Variants in CYP19A1 observed in about 807,000 individuals in gnomAD.
CYP19A1 encodes cytochrome P450 family 19 subfamily A member 1.
CYP19A1 carries 32 observed loss-of-function variants against 44.4 expected under a neutral mutation model. That is an observed-to-expected ratio of 0.72 (90% confidence interval 0.54 to 0.97). CYP19A1 has a LOEUF of 0.97. Ranked by LOEUF, CYP19A1 falls within the 50% of genes least tolerant of loss-of-function variation. CYP19A1 has a pLI of 0.00. For missense variants in CYP19A1, 598 were observed against 637.8 expected, an observed-to-expected ratio of 0.94 and a Z score of 0.67; for synonymous variants, 212 against 215.6, an observed-to-expected ratio of 0.98 and a Z score of 0.14.
intron 1 of CYP19A1, 79 bp from the exon 2 acceptor site, chr15:51,243,029 C>A: frequency 5.1e-6 from 4 of 784,502 alleles, no homozygotes; most frequent in Non-Finnish European, 4.6e-6. Flanking sequence ...TCAGAGGGTG[C>A]TGTACAGTAC....
intron 1 of CYP19A1, among the ~76,000 whole-genome samples, chr15:51,257,654 C>G (rs1223183730): frequency 6.6e-6 from 1 of 152,210 alleles, no homozygotes; most frequent in Non-Finnish European, 1.5e-5. Flanking sequence ...GCCCAGGTCT[C>G]CAGGATCAAT....
At chr15:51,304,359 C>G (rs72729205) in intron 1 of CYP19A1, among the ~76,000 whole-genome samples, 5 of 152,054 alleles carry the variant, frequency 3.3e-5, no homozygotes, top group East Asian at 3.9e-4. Context: ...GTCAGTAAAT[C>G]TTGACAAATT....
chr15:51,275,213 T>C (rs1460235310), intron 1 of CYP19A1, among the ~76,000 whole-genome samples: 3 of 152,220 alleles, frequency 2.0e-5, no homozygotes, highest in Non-Finnish European at 1.5e-5. Context: ...TGGCAAGAAA[T>C]GGTGCCATGG....
intron 1 of CYP19A1, among the ~76,000 whole-genome samples, chr15:51,284,275 A>G (rs2035625745): frequency 6.6e-6 from 1 of 152,220 alleles, no homozygotes; most frequent in South Asian, 2.1e-4. Flanking sequence ...GTGACTATTT[A>G]GGGAAAGGAT....
intron 1 of CYP19A1, among the ~76,000 whole-genome samples, chr15:51,254,222 C>T (rs1343814996): frequency 3.3e-5 from 5 of 152,158 alleles, no homozygotes; most frequent in African/African-American, 1.2e-4. Context: ...AGAGGCCAGG[C>T]ATCTTCAGAA....
At chr15:51,295,341 C>T (rs1040289193) in intron 1 of CYP19A1, among the ~76,000 whole-genome samples, 1 of 152,164 alleles carries the variant, frequency 6.6e-6, no homozygotes, top group African/African-American at 2.4e-5. Flanking sequence ...TCCAGCCCCT[C>T]TTCTCTCAGT....
At chr15:51,313,460 T>C (rs761253235) in intron 1 of CYP19A1, among the ~76,000 whole-genome samples, 2 of 152,186 alleles carry the variant, frequency 1.3e-5, no homozygotes, top group South Asian at 2.1e-4. Flanking sequence ...AGAGGTAGCA[T>C]GCAGAGCCCT....
intron 1 of CYP19A1, among the ~76,000 whole-genome samples, chr15:51,284,599 G>A (rs901172124): frequency 5.9e-5 from 9 of 152,176 alleles, no homozygotes; most frequent in South Asian, 2.1e-4. Flanking sequence ...ATGGGATATC[G>A]ACTTGGAGAA....
intron 1 of CYP19A1, among the ~76,000 whole-genome samples, chr15:51,335,168 G>A (rs2036757478): frequency 6.6e-6 from 1 of 151,830 alleles, no homozygotes; most frequent in Admixed American, 6.6e-5. Context: ...GTGGAGTGGG[G>A]TGGGGTGGGA....
At chr15:51,320,664 C>G (rs2036512069) in intron 1 of CYP19A1, among the ~76,000 whole-genome samples, 1 of 152,184 alleles carries the variant, frequency 6.6e-6, no homozygotes. Context: ...AGGTCCTCCT[C>G]TCAGCCCTGT....
chr15:51,277,954 GTTTTTTTT>G (rs68014518), intron 1 of CYP19A1: 17 of 110,580 alleles, frequency 1.5e-4, no homozygotes, highest in African/African-American at 5.5e-4. Flanking sequence ...AGTTGCATGA[GTTTTTTTT>G]TTTTTTTTTT....
chr15:51,273,250 C>T (rs1566906284), intron 1 of CYP19A1, among the ~76,000 whole-genome samples: 2 of 152,126 alleles, frequency 1.3e-5, no homozygotes, highest in African/African-American at 2.4e-5. Context: ...CACCCGACCC[C>T]CTTCCTCACT....
intron 2 of CYP19A1, 28 bp from the exon 3 acceptor site, chr15:51,237,037 C>G: frequency 6.2e-7 from 1 of 1,613,804 alleles, no homozygotes; most frequent in Non-Finnish European, 8.5e-7. Flanking sequence ...GCATAAGCAA[C>G]ATCTTAGTTA....
intron 9 of CYP19A1, 79 bp from the exon 10 acceptor site, chr15:51,211,135 AT>A: frequency 1.0e-6 from 1 of 972,078 alleles, no homozygotes; most frequent in Non-Finnish European, 1.7e-6. Context: ...TTCTGAAAAC[AT>A]GGGTCAGTCA....
intron 2 of CYP19A1, among the ~76,000 whole-genome samples, chr15:51,239,953 G>A (rs1383230710): frequency 6.6e-6 from 1 of 152,140 alleles, no homozygotes; most frequent in South Asian, 2.1e-4. Flanking sequence ...ATGGCTATAC[G>A]TCCTGGGGGA....
chr15:51,298,154 G>C (rs2140998117), intron 1 of CYP19A1, among the ~76,000 whole-genome samples: 1 of 152,250 alleles, frequency 6.6e-6, no homozygotes, highest in East Asian at 1.9e-4. Context: ...CTCACCAGCT[G>C]GAATGCCGCC....
chr15:51,285,180 A>G (rs1042589339), intron 1 of CYP19A1, among the ~76,000 whole-genome samples: 3 of 152,208 alleles, frequency 2.0e-5, no homozygotes, highest in Non-Finnish European at 4.4e-5. Context: ...CCTGAATACA[A>G]GAGACCCTAA....
Position 51,310,309 on chromosome 15 carries a change from T to C in CYP19A1, c.-39+28186A>G, listed in dbSNP as rs374358556. On this transcript the variant is annotated intron_variant, in intron 1 of 9. Coordinates refer to ENST00000396402, the MANE Select transcript of CYP19A1 (RefSeq NM_000103.4). ...AAGTCAAAATTTGCTGAATGACCAA[T>C]ATGGTGATGGTGAATTTCCTGGAAT... Among the ~76,000 whole-genome samples the C allele has an allele frequency of 1.6e-4, 25 of 152,306 alleles. No homozygotes were observed. In the East Asian group the frequency reaches 2.7e-3, roughly 16 times the overall value.
At chr15:51,277,973 TTTTC>T (rs2035381979) in intron 1 of CYP19A1, 1 of 150,362 alleles carries the variant, frequency 6.7e-6, no homozygotes, top group African/African-American at 2.5e-5. Context: ...TTTTTTTTTT[TTTTC>T]CCCAGGAAAA....
Sources: allele counts gnomAD v4.1 joint callset (sites outside exome capture counted in the v4.1 genomes callset), GRCh38; gene constraint gnomAD v4.1.1; transcripts MANE v1.5; gene names NCBI Gene and HGNC (gene_info 2026-07-23, HGNC 2026-07-21).